PLEKHH2: variants seen among roughly 807,000 people sequenced by gnomAD.
The protein encoded by PLEKHH2 is pleckstrin homology domain-containing family H member 2.
PLEKHH2 carries 129 observed loss-of-function variants against 187.9 expected under a neutral mutation model. The ratio of observed to expected loss-of-function variants is 0.69; its 90% CI spans 0.59 to 0.79. The LOEUF is 0.79. PLEKHH2 is among the 30% of genes least tolerant of loss of function. The pLI is 0.00. For synonymous variants in PLEKHH2, 686 were observed against 605.6 expected (o/e 1.13, Z -1.95); for missense variants, 2,076 against 1,751.2 (o/e 1.19, Z -3.31).
chr2:43,656,703 T>G (rs992399667), intron 2 of PLEKHH2, among the ~76,000 whole-genome samples: 2 of 152,236 alleles, frequency 1.3e-5, no homozygotes, highest in Non-Finnish European at 2.9e-5. Flanking sequence ...AACAAATATA[T>G]ACAATTTTTG....
intron 11 of PLEKHH2, 93 bp downstream of exon 11, chr2:43,707,638 C>A (rs17031331): frequency 5.5e-6 from 8 of 1,459,464 alleles, no homozygotes; most frequent in Non-Finnish European, 7.4e-6. Flanking sequence ...TTTTTTAAAT[C>A]CAAGAACTTG....
intron 16 of PLEKHH2, among the ~76,000 whole-genome samples, chr2:43,722,228 C>A (rs1028629667): frequency 6.7e-6 from 1 of 149,228 alleles, no homozygotes; most frequent in Non-Finnish European, 1.5e-5. Context: ...TGCATTCCAG[C>A]CTGGGCGACA....
Position 43,711,464 on chromosome 2 carries a change from T to C in PLEKHH2, c.2302-761T>C, listed in dbSNP as rs80210748. ...TAATCACATGTTCGTTCCAATAATT[T>C]ATCTTCTTATATGCAAGATCTTCTT... On this transcript the variant is annotated intron_variant, in intron 14 of 29. Coordinates refer to ENST00000282406, the MANE Select transcript of PLEKHH2 (RefSeq NM_172069.4). 2,102 of 962,832 alleles carry C rather than the reference T, an allele frequency of 2.2e-3. 38 individuals are homozygous for C. In the African/African-American group the frequency reaches 0.034, roughly 16 times the overall value. The allele number at this position is 962,832 out of a possible 1,614,324, so 59.6% of individuals were successfully genotyped here. A position where few individuals can be genotyped will look rare whatever the true frequency, so the allele number is the denominator to read the frequency against.
At chr2:43,700,675 G>A (rs1669319955) in intron 8 of PLEKHH2, 67 bp downstream of exon 8, 2 of 1,515,252 alleles carry the variant, frequency 1.3e-6, no homozygotes, top group Non-Finnish European at 1.8e-6. Context: ...TTTTCTGGGA[G>A]GGAGTCTCGC....
At chr2:43,684,191 T>TCCTTCCCTTCTTTTCC (rs1459384117) in intron 3 of PLEKHH2, among the ~76,000 whole-genome samples, 6 of 151,956 alleles carry the variant, frequency 3.9e-5, no homozygotes, top group Non-Finnish European at 8.8e-5. Context: ...CCTTCTTTTC[T>TCCTTCCCTTCTTTTCC]CCTTCCCTTC....
At chr2:43,675,973 CA>C in intron 2 of PLEKHH2, 1 of 1,614,008 alleles carries the variant, frequency 6.2e-7, no homozygotes, top group Non-Finnish European at 8.5e-7. Context: ...CATCTGTACC[CA>C]CCTGTCATTA....
chr2:43,685,027 T>C (rs1171733943), intron 3 of PLEKHH2, among the ~76,000 whole-genome samples: 2 of 152,232 alleles, frequency 1.3e-5, no homozygotes, highest in Non-Finnish European at 2.9e-5. Context: ...TCTCATGCAC[T>C]GATGAAGTCA....
chr2:43,683,143 T>C (rs960364165), intron 3 of PLEKHH2, among the ~76,000 whole-genome samples: 1 of 27,288 alleles, frequency 3.7e-5, no homozygotes, highest in Non-Finnish European at 8.4e-5. Context: ...TTATATACCC[T>C]TTTTTTTTTT....
intron 14 of PLEKHH2, 187 bp from the exon 15 acceptor site, chr2:43,712,038 C>A: frequency 7.9e-7 from 1 of 1,270,126 alleles, no homozygotes; most frequent in Non-Finnish European, 1.0e-6. Flanking sequence ...AATTTAATTG[C>A]TGTAATTCTC....
intron 2 of PLEKHH2, among the ~76,000 whole-genome samples, chr2:43,656,241 G>A (rs1430949682): frequency 6.6e-6 from 1 of 152,208 alleles, no homozygotes; most frequent in Non-Finnish European, 1.5e-5. Flanking sequence ...ACAGGCATGA[G>A]TCACTGTGCC....
At chr2:43,729,176 T>A (rs948685737) in intron 17 of PLEKHH2, among the ~76,000 whole-genome samples, 5 of 152,228 alleles carry the variant, frequency 3.3e-5, no homozygotes. Flanking sequence ...AAAAATTTAA[T>A]CTACATATAT....
chr2:43,688,364 A>G (rs983410029), intron 3 of PLEKHH2, among the ~76,000 whole-genome samples: 1 of 152,206 alleles, frequency 6.6e-6, no homozygotes, highest in Non-Finnish European at 1.5e-5. Flanking sequence ...ACTCTAAACA[A>G]TTTCTTTTGT....
chr2:43,700,569 C>A lies in PLEKHH2; in HGVS notation c.1611C>A (p.Ser537Arg), dbSNP rs745592278. 1 of 1,612,470 alleles carries A rather than the reference C, an allele frequency of 6.2e-7. No homozygotes were observed. The highest frequency in any genetic ancestry group is 1.1e-5 in the South Asian group (1 of 91,052). ...HCDSAKKVAYSKPPTPPLHRF... is the reference protein window; with the variant it reads ...HCDSAKKVAYRKPPTPPLHRF... The stretch of plus-strand genomic sequence containing the variant: ...ACTCAGCAAAGAAGGTGGCATACAG[C>A]AAACCTCCAACTCCTCCCCTGCACC... Residue 537 changes from serine to arginine, a missense_variant, in exon 8 of 30, where the codon AGC (serine) becomes AGA (arginine). Ser to Arg is a moderately radical substitution (Grantham distance 110). Transcript: ENST00000282406.
chr2:43,738,282 C>T, intron 19 of PLEKHH2, 59 bp from the exon 20 acceptor site: 1 of 1,336,426 alleles, frequency 7.5e-7, no homozygotes, highest in African/African-American at 1.5e-5. Flanking sequence ...CGATATAATT[C>T]ATGCAGAATA....
At chr2:43,725,683 C>T (rs1346457328) in intron 16 of PLEKHH2, among the ~76,000 whole-genome samples, 2 of 152,166 alleles carry the variant, frequency 1.3e-5, no homozygotes, top group Admixed American at 6.5e-5. Context: ...ATAAAAGTAG[C>T]ATCTTGTTTT....
At chr2:43,665,829 G>C (rs1273166977) in intron 2 of PLEKHH2, among the ~76,000 whole-genome samples, 10 of 134,108 alleles carry the variant, frequency 7.5e-5, no homozygotes, top group African/African-American at 2.4e-4. Flanking sequence ...CAGTCTGCCC[G>C]TTCTCAGATC....
chr2:43,679,657 G>A (rs563300619), intron 3 of PLEKHH2: 6 of 223,706 alleles, frequency 2.7e-5, no homozygotes, highest in East Asian at 1.6e-4. Context: ...CACCATACCC[G>A]GCTAATTTTT....
intron 27 of PLEKHH2, among the ~76,000 whole-genome samples, chr2:43,761,558 G>C (rs1480091707): frequency 1.3e-5 from 2 of 151,816 alleles, no homozygotes; most frequent in East Asian, 3.9e-4. Context: ...TTACAGGCGT[G>C]CACCACCATG....
intron 2 of PLEKHH2, among the ~76,000 whole-genome samples, chr2:43,666,810 A>G (rs1267732607): frequency 2.0e-5 from 3 of 152,084 alleles, no homozygotes; most frequent in Non-Finnish European, 4.4e-5. Flanking sequence ...GGTTATTTGT[A>G]TTCTTGAATT....
Sources: gnomAD v4.1 joint callset for allele counts (sites outside exome capture counted in the v4.1 genomes callset) on GRCh38, gnomAD v4.1.1 for gene constraint, MANE v1.5 for transcripts, NCBI Gene and HGNC (gene_info 2026-07-23, HGNC 2026-07-21) for gene names.